Variants in SLIT3 observed in about 807,000 individuals in gnomAD.
The protein encoded by SLIT3 is slit guidance ligand 3.
SLIT3 carries 68 observed loss-of-function variants against 184.0 expected under a neutral mutation model. That is an observed-to-expected ratio of 0.37 (90% confidence interval 0.30 to 0.45). SLIT3 has a LOEUF of 0.45. SLIT3 is among the 20% of genes least tolerant of loss of function. The pLI is 1.00. For missense variants in SLIT3, 1,707 were observed against 2,026.0 expected, an observed-to-expected ratio of 0.84 and a Z score of 3.02; for synonymous variants, 831 against 828.6, an observed-to-expected ratio of 1.00 and a Z score of -0.05.
chr5:168,683,767 T>G (rs1026369426), intron 32 of SLIT3, among the ~76,000 whole-genome samples, 199 bp downstream of exon 32: 2 of 152,204 alleles, frequency 1.3e-5, no homozygotes, highest in Non-Finnish European at 2.9e-5. Context: ...TGCCTTCCTC[T>G]GCCTCTTCCT....
At chr5:168,779,828 T>C (rs377714527) in intron 12 of SLIT3, among the ~76,000 whole-genome samples, 1 of 152,198 alleles carries the variant, frequency 6.6e-6, no homozygotes, top group South Asian at 2.1e-4. Flanking sequence ...CTTCTTTCAT[T>C]TGGGGTCCAG....
At chr5:168,894,151 T>G (rs778773337) in intron 4 of SLIT3, among the ~76,000 whole-genome samples, 5 of 152,154 alleles carry the variant, frequency 3.3e-5, no homozygotes, top group Non-Finnish European at 5.9e-5. Context: ...AAATTTGACT[T>G]TATCAAAAAA....
intron 29 of SLIT3, among the ~76,000 whole-genome samples, chr5:168,690,545 C>T (rs1327507404): frequency 6.6e-6 from 1 of 152,204 alleles, no homozygotes; most frequent in African/African-American, 2.4e-5. Context: ...ATGTCTCTTC[C>T]CACCCCTTGC....
At chr5:169,180,472 A>G (rs1419885019) in intron 4 of SLIT3, among the ~76,000 whole-genome samples, 1 of 152,184 alleles carries the variant, frequency 6.6e-6, no homozygotes, top group Non-Finnish European at 1.5e-5. Context: ...TGAACAACAC[A>G]GGAATAGGAG....
rs1270398894 is a variant in SLIT3 at position 168,806,519 on chromosome 5, T to C, written c.862A>G (p.Asn288Asp). 2 of 1,614,094 alleles carry C rather than the reference T, an allele frequency of 1.2e-6. No individual in the cohort carries two copies. The highest frequency in any genetic ancestry group is 1.3e-5 in the African/African-American group (1 of 74,936). Residue 288 changes from asparagine (N) to aspartate (D), a missense_variant, in exon 9 of 36, where the codon AAT becomes GAT. Physicochemically the swap from Asn to Asp is conservative, Grantham distance 23 (BLOSUM62 1). Transcript: ENST00000519560. ...ISCPSPCTCS[N>D]NIVDCRGKGL... is the part of the protein sequence containing the mutation. ...TTTCCTCGACAGTCCACGATGTTAT[T>C]GCTGCACGTGCAGGGCGAAGGGCAG...
intron 4 of SLIT3, among the ~76,000 whole-genome samples, chr5:169,150,579 G>A (rs1444335686): frequency 1.3e-5 from 2 of 151,780 alleles, no homozygotes; most frequent in African/African-American, 4.8e-5. Context: ...AACTTTGAAT[G>A]GAGTAATGGA....
intron 4 of SLIT3, among the ~76,000 whole-genome samples, chr5:169,110,074 C>G (rs1054745878): frequency 2.0e-5 from 3 of 152,184 alleles, no homozygotes; most frequent in African/African-American, 7.2e-5. Context: ...TCTTGAACTC[C>G]TGACCTCAGG....
At chr5:169,226,904 G>A (rs1764832056) in intron 3 of SLIT3, among the ~76,000 whole-genome samples, 1 of 151,556 alleles carries the variant, frequency 6.6e-6, no homozygotes, top group Non-Finnish European at 1.5e-5. Context: ...TGCACCAAAG[G>A]GGATGCCTCA....
intron 4 of SLIT3, among the ~76,000 whole-genome samples, chr5:168,985,859 TAC>T (rs1755110645): frequency 6.6e-6 from 1 of 152,032 alleles, no homozygotes; most frequent in Non-Finnish European, 1.5e-5. Context: ...GGAAGAGAGA[TAC>T]AGAGACAGAG....
intron 5 of SLIT3, among the ~76,000 whole-genome samples, chr5:168,858,036 A>G (rs1443284309): frequency 6.6e-6 from 1 of 152,250 alleles, no homozygotes; most frequent in Non-Finnish European, 1.5e-5. Flanking sequence ...TAGAAACAGC[A>G]TATTTTCCCA....
intron 20 of SLIT3, among the ~76,000 whole-genome samples, chr5:168,729,481 T>A (rs1763232186): frequency 6.6e-6 from 1 of 152,100 alleles, no homozygotes; most frequent in Admixed American, 6.5e-5. Context: ...AGAAATGTGA[T>A]GGCATTTTCA....
intron 4 of SLIT3, among the ~76,000 whole-genome samples, chr5:168,919,040 C>A (rs934304157): frequency 7.2e-5 from 11 of 151,914 alleles, no homozygotes; most frequent in Non-Finnish European, 1.3e-4. Flanking sequence ...GCGGGTGGAT[C>A]ACGAGGTCAG....
chr5:168,753,166 T>A, intron 17 of SLIT3, 68 bp from the exon 18 acceptor site: 9 of 1,547,546 alleles, frequency 5.8e-6, no homozygotes, highest in Non-Finnish European at 8.0e-6. Context: ...GGTGCCACGG[T>A]GGTGTGTGTG....
intron 27 of SLIT3, among the ~76,000 whole-genome samples, chr5:168,698,428 G>T (rs1762122032): frequency 6.6e-6 from 1 of 152,186 alleles, no homozygotes; most frequent in East Asian, 1.9e-4. Flanking sequence ...TATGCAGGCA[G>T]AGAGAGGGGT....
At chr5:168,960,276 C>A (rs1217223376) in intron 4 of SLIT3, among the ~76,000 whole-genome samples, 1 of 152,168 alleles carries the variant, frequency 6.6e-6, no homozygotes, top group African/African-American at 2.4e-5. Flanking sequence ...TAGATGAGTG[C>A]ATAGAATCCA....
intron 1 of SLIT3, among the ~76,000 whole-genome samples, chr5:169,287,007 C>T (rs1206867715): frequency 2.0e-5 from 3 of 152,152 alleles, no homozygotes; most frequent in African/African-American, 4.8e-5. Flanking sequence ...CTAGAATGTA[C>T]AAGGAGGGCA....
chr5:168,852,636 T>C (rs190917369), intron 5 of SLIT3, among the ~76,000 whole-genome samples: 1 of 152,334 alleles, frequency 6.6e-6, no homozygotes, highest in East Asian at 1.9e-4. Flanking sequence ...AAACATCACA[T>C]AGATCACTCA....
intron 12 of SLIT3, among the ~76,000 whole-genome samples, chr5:168,783,431 A>T (rs1209517069): frequency 1.3e-5 from 2 of 152,068 alleles, no homozygotes; most frequent in Non-Finnish European, 2.9e-5. Flanking sequence ...GTGGGGGAAG[A>T]TGGGAGGCAG....
At chr5:169,084,454 A>ATTTTTTTTTTTT (rs56062027) in intron 4 of SLIT3, among the ~76,000 whole-genome samples, 4 of 101,418 alleles carry the variant, frequency 3.9e-5, no homozygotes, top group Non-Finnish European at 7.8e-5. Context: ...CCATGCCCAG[A>ATTTTTTTTTTTT]TTTTTTTTTT....
Sources: allele counts gnomAD v4.1 joint callset (sites outside exome capture counted in the v4.1 genomes callset), GRCh38; gene constraint gnomAD v4.1.1; transcripts MANE v1.5; gene names NCBI Gene and HGNC (gene_info 2026-07-23, HGNC 2026-07-21).